BCORL1: variants seen among roughly 807,000 people sequenced by gnomAD.
The protein encoded by BCORL1 is BCL-6 corepressor-like protein 1.
BCORL1 carries 7 observed loss-of-function variants against 87.6 expected under a neutral mutation model. That is an observed-to-expected ratio of 0.08 (90% CI 0.05 to 0.15). The LOEUF is 0.15. Ranked by LOEUF, BCORL1 falls within the 10% of genes least tolerant of loss-of-function variation. BCORL1 has a pLI of 1.00. For missense variants in BCORL1, 1,215 were observed against 1,499.7 expected (o/e 0.81, Z 3.13); for synonymous variants, 591 against 634.4 (o/e 0.93, Z 1.03).
intron 11 of BCORL1, among the ~76,000 whole-genome samples, chrX:130,040,860 A>T (rs1031960905): frequency 1.8e-5 from 2 of 111,648 alleles, no homozygotes; most frequent in Admixed American, 9.5e-5. Flanking sequence ...GAGCATCTTG[A>T]TATGACAAAG....
intron 8 of BCORL1, among the ~76,000 whole-genome samples, chrX:130,034,241 G>A (rs1015465874): frequency 8.9e-6 from 1 of 112,048 alleles, no homozygotes; most frequent in Non-Finnish European, 1.9e-5. Flanking sequence ...GGGAACCTGT[G>A]TTGATCCTGG....
intron 1 of BCORL1, among the ~76,000 whole-genome samples, chrX:129,986,059 C>G (rs1398936480): frequency 3.6e-5 from 4 of 111,255 alleles, no homozygotes; most frequent in African/African-American, 1.3e-4. Context: ...CCATGTTGGC[C>G]AGGCTGGTCT....
At chrX:130,018,449 TAAGTG>T (rs756440271) in intron 4 of BCORL1, among the ~76,000 whole-genome samples, 1 of 112,412 alleles carries the variant, frequency 8.9e-6, no homozygotes, top group African/African-American at 3.2e-5. Flanking sequence ...ATTTTACACT[TAAGTG>T]AATTGCATGG....
chrX:130,005,823 G>A (rs1387928446), intron 2 of BCORL1, among the ~76,000 whole-genome samples: 3 of 105,979 alleles, frequency 2.8e-5, no homozygotes, highest in Non-Finnish European at 5.8e-5. Flanking sequence ...CGGGGGTTTC[G>A]CCATGTGGCC....
chrX:130,055,760 G>C (rs937144272), intron 13 of BCORL1, 94 bp from the exon 14 acceptor site: 2 of 941,825 alleles, frequency 2.1e-6, no homozygotes, highest in East Asian at 6.2e-5. Flanking sequence ...ATTGATGGTC[G>C]TGCAGCCTTT....
At chrX:130,020,761 G>C (rs1476052878) in intron 4 of BCORL1, among the ~76,000 whole-genome samples, 1 of 111,735 alleles carries the variant, frequency 8.9e-6, no homozygotes, top group Admixed American at 9.5e-5. Flanking sequence ...CCTCTTTAAA[G>C]TGATGGGATG....
chrX:130,048,919 C>T (rs895197941), intron 11 of BCORL1, among the ~76,000 whole-genome samples: 2 of 112,330 alleles, frequency 1.8e-5, no homozygotes, highest in Non-Finnish European at 3.8e-5. Flanking sequence ...AATATGGGAC[C>T]TTTGGTGTCT....
At chrX:130,048,364 G>C (rs554666957) in intron 11 of BCORL1, among the ~76,000 whole-genome samples, 9 of 111,918 alleles carry the variant, frequency 8.0e-5, no homozygotes, top group Non-Finnish European at 1.3e-4. Context: ...TCTCCTGTCC[G>C]GTTGCCTAGC....
At chrX:130,051,324 C>A (rs1034772751) in intron 12 of BCORL1, among the ~76,000 whole-genome samples, 1 of 112,839 alleles carries the variant, frequency 8.9e-6, no homozygotes, top group Non-Finnish European at 1.9e-5. Context: ...GGGCTAGGGA[C>A]TGAAGATGAA....
intron 1 of BCORL1, among the ~76,000 whole-genome samples, chrX:129,998,982 C>T (rs964181627): frequency 3.6e-5 from 4 of 110,468 alleles, no homozygotes; most frequent in African/African-American, 1.3e-4. Context: ...CCAGAATCAG[C>T]GTTGCTCTCT....
chrX:130,029,324 C>T (rs1012843873), intron 8 of BCORL1, among the ~76,000 whole-genome samples: 3 of 111,208 alleles, frequency 2.7e-5, no homozygotes, highest in African/African-American at 9.8e-5. Flanking sequence ...CTACTCCTCC[C>T]CTACCCTGCT....
At chrX:130,031,052 G>C (rs1447523529) in intron 8 of BCORL1, among the ~76,000 whole-genome samples, 2 of 112,715 alleles carry the variant, frequency 1.8e-5, no homozygotes, top group Non-Finnish European at 3.8e-5. Context: ...GGGGGAAGGA[G>C]AGAGGGGGAG....
chrX:130,043,730 ATGCCCAGC>A (rs1280961662), intron 11 of BCORL1, among the ~76,000 whole-genome samples: 1 of 79,000 alleles, frequency 1.3e-5, no homozygotes, highest in Non-Finnish European at 2.3e-5. Context: ...GCCCGCCACC[ATGCCCAGC>A]TAATTTGTTA....
At chrX:130,011,269 A>T (rs1470557224) in intron 2 of BCORL1, among the ~76,000 whole-genome samples, 1 of 109,214 alleles carries the variant, frequency 9.2e-6, no homozygotes, top group Non-Finnish European at 1.9e-5. Context: ...ACAGGGTCTC[A>T]CTCTGTCGCC....
In BCORL1 at chrX:130,024,853, G is replaced by A. The variant is rs768024184; in HGVS notation, c.3689-137G>A. 67 of 934,820 alleles carry A rather than the reference G, an allele frequency of 7.2e-5. No homozygotes were observed. In the South Asian group the frequency reaches 7.4e-4, roughly 10 times the overall value. 77.0% of individuals were successfully genotyped at this position (934,820 alleles called of 1,213,427 possible). ...GAGACTGCACTGAAGGAACTTTCCC[G>A]AACGGTACAGCTAATAACTGGCAGA... On this transcript the variant is annotated intron_variant, in intron 6 of 13. Coordinates refer to ENST00000540052, the MANE Select transcript of BCORL1 (RefSeq NM_001379451.1).
chrX:130,003,552 G>T (rs1298156609), intron 1 of BCORL1, among the ~76,000 whole-genome samples: 1 of 109,953 alleles, frequency 9.1e-6, no homozygotes, highest in Non-Finnish European at 1.9e-5. Context: ...TGTGTTTTTA[G>T]TAGAGACAGG....
chrX:130,037,303 C>A, intron 9 of BCORL1, 64 bp from the exon 10 acceptor site: 1 of 1,124,578 alleles, frequency 8.9e-7, no homozygotes, highest in South Asian at 1.8e-5. Context: ...CTTTGAGTCT[C>A]AGGGTTATAT....
chrX:130,043,790 T>A (rs1294989150), intron 11 of BCORL1, among the ~76,000 whole-genome samples: 101 of 39,897 alleles, frequency 2.5e-3, no homozygotes, highest in Middle Eastern at 0.02. Flanking sequence ...ATATATTTTT[T>A]TTTTTTTTTT....
chrX:130,024,959 C>T, intron 6 of BCORL1, 31 bp from the exon 7 acceptor site: 2 of 1,195,166 alleles, frequency 1.7e-6, no homozygotes, highest in Non-Finnish European at 1.1e-6. Context: ...TGAAGAAGTA[C>T]CTGACCATCC....
Sources: allele counts gnomAD v4.1 joint callset (sites outside exome capture counted in the v4.1 genomes callset), GRCh38; gene constraint gnomAD v4.1.1; transcripts MANE v1.5; gene names NCBI Gene and HGNC (gene_info 2026-07-23, HGNC 2026-07-21).